Variants in DGLUCY observed in about 807,000 individuals in gnomAD.
DGLUCY encodes D-glutamate cyclase, also known as D-glutamate cyclase, mitochondrial.
Under a neutral mutation model 58.5 loss-of-function variants are expected in DGLUCY, and 58 were observed. That is an observed-to-expected ratio of 0.99 (90% CI 0.80 to 1.23). The LOEUF (loss-of-function observed/expected upper bound fraction) is 1.23, where lower values mean the gene tolerates loss of function less well. DGLUCY is among the 50% of genes most tolerant of loss of function. The pLI is 0.00. For synonymous variants in DGLUCY, 325 were observed against 314.1 expected (o/e 1.03, Z -0.37); for missense variants, 779 against 784.7 (o/e 0.99, Z 0.09).
At chr14:91,148,344 A>G (rs2140288226) in intron 1 of DGLUCY, among the ~76,000 whole-genome samples, 1 of 151,454 alleles carries the variant, frequency 6.6e-6, no homozygotes, top group African/African-American at 2.4e-5. Flanking sequence ...AGCTGGGACC[A>G]CAGGTGTGTA....
At chr14:91,184,580 G>C (rs1295745367) in intron 8 of DGLUCY, among the ~76,000 whole-genome samples, 18 of 102,228 alleles carry the variant, frequency 1.8e-4, no homozygotes, top group African/African-American at 6.2e-4. Context: ...AGAAAGTTGG[G>C]GGGGGGGAGG....
chr14:91,199,789 G>C lies in DGLUCY; in HGVS notation c.1328G>C (p.Gly443Ala), dbSNP rs954676760. 13 of 1,614,058 alleles carry C rather than the reference G, an allele frequency of 8.1e-6. No individual in the cohort carries two copies. The African/African-American group carries it at 1.7e-4, about 22-fold the overall frequency. The change falls in exon 11 of 14, where the codon GGA becomes GCA. Residue 443 changes from glycine to alanine, a missense_variant. Physicochemically the swap from Gly to Ala is moderately conservative, Grantham distance 60. Transcript: ENST00000256324. ...CACCTGGTGGCCATAGAGCGTGCCG[G>C]AAGAGCTGCTGATGGCAATTACTAC... ...FDHLVAIERA[G>A]RAADGNYYNA... is the part of the protein sequence containing the mutation.
chr14:91,134,424 A>G (rs1448594719), intron 1 of DGLUCY, among the ~76,000 whole-genome samples: 1 of 150,960 alleles, frequency 6.6e-6, no homozygotes, highest in East Asian at 1.9e-4. Flanking sequence ...AGATGGTATC[A>G]TTCAAAATTA....
chr14:91,217,829 T>C (rs1886816604), intron 13 of DGLUCY, among the ~76,000 whole-genome samples: 1 of 152,150 alleles, frequency 6.6e-6, no homozygotes, highest in Admixed American at 6.5e-5. Context: ...ACCCTGTCTC[T>C]TCCCTTTTTC....
intron 12 of DGLUCY, among the ~76,000 whole-genome samples, chr14:91,211,501 A>G (rs1417046968): frequency 1.3e-5 from 2 of 152,252 alleles, no homozygotes; most frequent in East Asian, 1.9e-4. Context: ...ATGGAACAGA[A>G]TAGACAGCCC....
intron 1 of DGLUCY, among the ~76,000 whole-genome samples, chr14:91,092,832 T>C (rs1051533854): frequency 1.3e-5 from 2 of 152,186 alleles, no homozygotes; most frequent in Non-Finnish European, 2.9e-5. Flanking sequence ...ACCTGTAATC[T>C]CACCATTTTG....
chr14:91,213,521 T>TA (rs1886037380), intron 12 of DGLUCY, among the ~76,000 whole-genome samples: 1 of 152,194 alleles, frequency 6.6e-6, no homozygotes, highest in Admixed American at 6.5e-5. Context: ...ATTGTAACTG[T>TA]AAGATACTAT....
At chr14:91,085,290 C>G (rs941809415) in intron 1 of DGLUCY, among the ~76,000 whole-genome samples, 3 of 151,796 alleles carry the variant, frequency 2.0e-5, no homozygotes, top group African/African-American at 7.3e-5. Flanking sequence ...TAAACCTCAT[C>G]CCTTAGTGCC....
chr14:91,173,372 AGGGCTGGTGCG>A lies in DGLUCY; in HGVS notation c.543_553del (p.Val183LeufsTer6). The A allele has an allele frequency of 6.2e-7, 1 of 1,613,746 alleles. No individual in the cohort carries two copies. Among genetic ancestry groups the A allele is most frequent in the Non-Finnish European group, 8.5e-7 (1 of 1,179,960 alleles). On this transcript the variant is annotated frameshift_variant, in exon 6 of 14. Coordinates refer to ENST00000256324, the MANE Select transcript of DGLUCY (RefSeq NM_001102368.3). LOFTEE classifies it high-confidence loss of function. ...GGCCCATTCCCAAGGACAAGCTGGA[AGGGCTGGTGCG>A]GGCCTGCTGCTCCCTCGGAGGTGAG...
intron 1 of DGLUCY, among the ~76,000 whole-genome samples, chr14:91,101,482 C>T (rs2044486068): frequency 6.6e-6 from 1 of 152,220 alleles, no homozygotes; most frequent in South Asian, 2.1e-4. Flanking sequence ...TGTGGAGATG[C>T]TCAGAAAGCA....
intron 9 of DGLUCY, among the ~76,000 whole-genome samples, chr14:91,192,822 G>T (rs1025069324): frequency 4.7e-4 from 71 of 152,118 alleles, no homozygotes; most frequent in African/African-American, 1.6e-3. Context: ...TAAATAAAAA[G>T]GCTAAAATGG....
intron 13 of DGLUCY, chr14:91,215,771 T>A: frequency 7.1e-7 from 1 of 1,403,426 alleles, no homozygotes; most frequent in Non-Finnish European, 9.3e-7. Flanking sequence ...CAAGTGACCA[T>A]TTTCCTTCTA....
intron 1 of DGLUCY, among the ~76,000 whole-genome samples, chr14:91,117,314 C>A (rs1434910242): frequency 6.6e-6 from 1 of 152,130 alleles, no homozygotes; most frequent in East Asian, 1.9e-4. Flanking sequence ...TCTTTGTGAC[C>A]TGTATCTTGT....
intron 9 of DGLUCY, among the ~76,000 whole-genome samples, chr14:91,191,634 A>C (rs1335026966): frequency 6.6e-6 from 1 of 152,154 alleles, no homozygotes; most frequent in African/African-American, 2.4e-5. Flanking sequence ...TCTGCACCCA[A>C]GTCTCAAGTT....
rs1263318224 is a variant in DGLUCY, at chr14:91,188,998, C to T, written c.1023C>T (p.Thr341=). 2 of 1,614,186 alleles carry T rather than the reference C, an allele frequency of 1.2e-6. No homozygotes were observed. The highest frequency in any genetic ancestry group is 3.3e-5 in the Admixed American group (2 of 60,000). ...CCCATGCCCGCTCAGTGCTCATCAC[C>T]ACTGGGTTCCCCACACATTTCAATC... ...SLSHARSVLI[T]TGFPTHFNHE... Residue 341 remains threonine (T), a synonymous_variant, in exon 9 of 14, where the codon ACC becomes ACT. Coordinates refer to ENST00000256324, the MANE Select transcript of DGLUCY (RefSeq NM_001102368.3).
At chr14:91,080,873 A>G (rs371974730) in intron 1 of DGLUCY, among the ~76,000 whole-genome samples, 21 of 152,170 alleles carry the variant, frequency 1.4e-4, no homozygotes, top group African/African-American at 4.3e-4. Context: ...AAAGCAAGGA[A>G]GTCTAGAAAA....
chr14:91,214,318 T>A (rs929382705), intron 12 of DGLUCY, among the ~76,000 whole-genome samples: 1 of 151,478 alleles, frequency 6.6e-6, no homozygotes, highest in African/African-American at 2.4e-5. Flanking sequence ...CTTCATCAAT[T>A]CTTCTTCAAC....
At chr14:91,179,320 C>T (rs543232927) in intron 7 of DGLUCY, among the ~76,000 whole-genome samples, 2 of 152,096 alleles carry the variant, frequency 1.3e-5, no homozygotes, top group Admixed American at 6.5e-5. Context: ...CTCTGTGGCT[C>T]ATGCCTGTAA....
At chr14:91,178,105 A>G (rs2048965940) in intron 7 of DGLUCY, among the ~76,000 whole-genome samples, 2 of 152,188 alleles carry the variant, frequency 1.3e-5, no homozygotes, top group African/African-American at 4.8e-5. Context: ...CAGCGATAGC[A>G]CAATTGATCG....
Sources: gnomAD v4.1 joint callset for allele counts (sites outside exome capture counted in the v4.1 genomes callset) on GRCh38, gnomAD v4.1.1 for gene constraint, MANE v1.5 for transcripts, NCBI Gene and HGNC (gene_info 2026-07-23, HGNC 2026-07-21) for gene names.